Variants in FBXO15 observed in about 807,000 individuals in gnomAD.
FBXO15 encodes F-box protein 15.
Under a neutral mutation model 49.5 loss-of-function variants are expected in FBXO15, and 30 were observed. The ratio of observed to expected loss-of-function variants is 0.61; its 90% CI spans 0.45 to 0.82. FBXO15 has a LOEUF of 0.82. FBXO15 is among the 40% of genes least tolerant of loss of function. FBXO15 has a pLI of 0.00. For synonymous variants in FBXO15, 250 were observed against 232.7 expected (o/e 1.07, Z -0.68); for missense variants, 591 against 631.5 (o/e 0.94, Z 0.69).
At chr18:74,101,771 T>C (rs996572334) in intron 8 of FBXO15, among the ~76,000 whole-genome samples, 7 of 152,142 alleles carry the variant, frequency 4.6e-5, no homozygotes, top group African/African-American at 1.4e-4. Flanking sequence ...AATAGGCACA[T>C]AGACCAGTGG....
At chr18:74,141,090 A>G (rs1979045247) in intron 1 of FBXO15, among the ~76,000 whole-genome samples, 1 of 152,246 alleles carries the variant, frequency 6.6e-6, no homozygotes, top group South Asian at 2.1e-4. Flanking sequence ...TACAGAAAAC[A>G]GTAGTGCATC....
Position 74,147,697 on chromosome 18 carries a change from C to G in FBXO15, c.89G>C (p.Arg30Pro). ...RGPSRGGGAA[R>P]GRARAFGCRK... Reference sequence around the variant, plus strand: ...GCACCCAAAGGCCCTGGCGCGCCCCCGGGCCGCGCCACCGCCCCTGCTGGG... The same window carrying G: ...GCACCCAAAGGCCCTGGCGCGCCCCGGGGCCGCGCCACCGCCCCTGCTGGG... The change falls in exon 1 of 10, where the codon CGG becomes CCG. Residue 30 changes from arginine to proline, a missense_variant. By Grantham distance (103) the Arg-to-Pro change is moderately radical. Coordinates refer to ENST00000419743, the MANE Select transcript of FBXO15 (RefSeq NM_001142958.2). 2 of 1,513,150 alleles carry G rather than the reference C, an allele frequency of 1.3e-6. No individual in the cohort carries two copies. The highest frequency in any genetic ancestry group is 8.8e-7 in the Non-Finnish European group (1 of 1,133,568). The allele number at this position is 1,513,150 out of a possible 1,614,324, so 93.7% of individuals were successfully genotyped here.
At chr18:74,121,466 A>C (rs1287546094) in intron 8 of FBXO15, among the ~76,000 whole-genome samples, 2 of 152,260 alleles carry the variant, frequency 1.3e-5, no homozygotes, top group Admixed American at 1.3e-4. Flanking sequence ...ATTTTTAAAC[A>C]AACTGAAAGA....
chr18:74,135,726 C>T lies in FBXO15; in HGVS notation c.332+36G>A, dbSNP rs115910828. The T allele has an allele frequency of 6.0e-4, 908 of 1,508,806 alleles. 9 individuals carry two copies. The African/African-American group carries it at 0.011, about 18-fold the overall frequency. The allele number at this position is 1,508,806 out of a possible 1,614,324, so 93.5% of individuals were successfully genotyped here. A position where few individuals can be genotyped will look rare whatever the true frequency, so the allele number is the denominator to read the frequency against. On this transcript the variant is annotated intron_variant, in intron 3 of 9. Coordinates refer to ENST00000419743, the MANE Select transcript of FBXO15 (RefSeq NM_001142958.2). ...GTTTTCCTGACTTCCATCAAACTGT[C>T]ATCAAAACATAACAGAGACTTGGAT...
intron 2 of FBXO15, among the ~76,000 whole-genome samples, chr18:74,139,040 A>T (rs1438743723): frequency 1.3e-5 from 2 of 152,098 alleles, no homozygotes; most frequent in Non-Finnish European, 2.9e-5. Context: ...TTCCTGCAGC[A>T]TCTGGAGCCC....
At position 74,108,572 on chromosome 18, in the gene FBXO15, A is replaced by G. The variant is rs139878457; in HGVS notation, c.1138+14796T>C. ...TCCAATAACTACAAGAAAACCACAA[A>G]AGGTGTAATTTACATGCAATGGAAA... On this transcript the variant is annotated intron_variant, in intron 8 of 9. Coordinates refer to ENST00000419743, the MANE Select transcript of FBXO15 (RefSeq NM_001142958.2). 2.2e-3 allele frequency among the ~76,000 whole-genome samples: 333 copies of G among 152,240 alleles called. 5 individuals carry two copies. The highest frequency in any genetic ancestry group is 7.7e-3 in the African/African-American group (320 of 41,558).
intron 8 of FBXO15, among the ~76,000 whole-genome samples, chr18:74,082,804 C>G (rs1450130978): frequency 6.6e-6 from 1 of 152,198 alleles, no homozygotes; most frequent in South Asian, 2.1e-4. Context: ...GACAGCAACA[C>G]AACTCATACC....
chr18:74,140,149 A>C, intron 2 of FBXO15, 53 bp downstream of exon 2: 2 of 1,447,482 alleles, frequency 1.4e-6, no homozygotes, highest in Non-Finnish European at 9.4e-7. Context: ...ACTTTCTCTA[A>C]TAACCCCATG....
rs1352166262 is a variant in FBXO15, at chr18:74,123,436, T to C, written c.1070A>G (p.His357Arg). The change falls in exon 8 of 10, where the codon CAT becomes CGT. Residue 357 changes from histidine to arginine, a missense_variant. By Grantham distance (29) the His-to-Arg change is conservative (BLOSUM62 0). Coordinates refer to ENST00000419743, the MANE Select transcript of FBXO15 (RefSeq NM_001142958.2). ...PEYGLHGYQL[H>R]VDLHSGGVFY... Reference sequence around the variant, plus strand: ...AACCCCACCGCTGTGCAGATCAACATGGAGTTGGTAGCCGTGCAGTCCATA... The same window carrying C: ...AACCCCACCGCTGTGCAGATCAACACGGAGTTGGTAGCCGTGCAGTCCATA... 6 of 1,614,068 alleles carry C rather than the reference T, an allele frequency of 3.7e-6. No homozygotes were observed. The highest frequency in any genetic ancestry group is 5.1e-6 in the Non-Finnish European group (6 of 1,179,988).
intron 8 of FBXO15, among the ~76,000 whole-genome samples, chr18:74,111,127 T>C (rs1326540582): frequency 6.6e-6 from 1 of 151,924 alleles, no homozygotes; most frequent in Non-Finnish European, 1.5e-5. Context: ...CAAGCTCACA[T>C]GGAACATTTA....
At chr18:74,119,610 C>T (rs1599168293) in intron 8 of FBXO15, among the ~76,000 whole-genome samples, 2 of 152,010 alleles carry the variant, frequency 1.3e-5, no homozygotes, top group Admixed American at 6.5e-5. Flanking sequence ...GAGACATGAC[C>T]CCCAGGACCC....
chr18:74,133,889 G>A (rs977314117), intron 3 of FBXO15, among the ~76,000 whole-genome samples: 4 of 152,158 alleles, frequency 2.6e-5, no homozygotes. Context: ...CCATTCAGGA[G>A]GGATCTGTTC....
intron 9 of FBXO15, among the ~76,000 whole-genome samples, chr18:74,076,041 C>T (rs1912243154): frequency 6.6e-6 from 1 of 152,206 alleles, no homozygotes; most frequent in African/African-American, 2.4e-5. Flanking sequence ...TCAGGACCCT[C>T]CCAGCAAAGC....
rs539597167 is a variant in FBXO15 at position 74,075,158 on chromosome 18, G to A, written c.1264-1428C>T. Among the ~76,000 whole-genome samples the A allele has an allele frequency of 2.0e-5, 3 of 152,238 alleles. No individual in the cohort carries two copies. The highest frequency in any genetic ancestry group is 1.9e-4 in the East Asian group (1 of 5,174). ...TGGCTCTCTGGGTGGCTCCCTCTCC[G>A]CCTCATGGAACAACACCTCATCCCC... is the stretch of plus-strand genomic sequence containing the variant. On this transcript the variant is annotated intron_variant, in intron 9 of 9. Coordinates refer to ENST00000419743, the MANE Select transcript of FBXO15 (RefSeq NM_001142958.2). The surrounding 1 kb of genome is among the most constrained non-coding windows in gnomAD (Gnocchi z 4.1).
At position 74,082,013 on chromosome 18, in the gene FBXO15, G is replaced by A; in HGVS notation, c.1177C>T (p.His393Tyr). ...ENGHVKLIVI[H>Y]LKNNREHLPL... ...AGGTGTTCTCTGTTATTTTTTAAAT[G>A]TATAACAATGAGCTTCACATGTCCA... The change falls in exon 9 of 10, where the codon CAT becomes TAT. Residue 393 changes from histidine (H) to tyrosine (Y), a missense_variant. Physicochemically the swap from His to Tyr is moderately conservative, Grantham distance 83. Transcript: ENST00000419743. 1 of 1,611,874 alleles carries A rather than the reference G, an allele frequency of 6.2e-7. No individual in the cohort carries two copies. Among genetic ancestry groups the A allele is most frequent in the Non-Finnish European group, 8.5e-7 (1 of 1,178,678 alleles).
chr18:74,135,109 G>A (rs1284254458), intron 3 of FBXO15, among the ~76,000 whole-genome samples: 2 of 152,140 alleles, frequency 1.3e-5, no homozygotes, highest in Non-Finnish European at 2.9e-5. Flanking sequence ...TGCAGGCTAA[G>A]ATTATAGTGA....
intron 8 of FBXO15, among the ~76,000 whole-genome samples, chr18:74,116,612 C>T (rs1462171592): frequency 1.8e-4 from 27 of 152,178 alleles, no homozygotes; most frequent in Admixed American, 1.8e-3. Context: ...TGTCTGGACA[C>T]TGCAACTGGT....
intron 8 of FBXO15, among the ~76,000 whole-genome samples, chr18:74,103,581 T>C (rs568987898): frequency 6.6e-6 from 1 of 151,918 alleles, no homozygotes; most frequent in Non-Finnish European, 1.5e-5. Context: ...AATAATCAAA[T>C]ACTCAAAGGT....
At chr18:74,110,162 T>TGC (rs1450371563) in intron 8 of FBXO15, among the ~76,000 whole-genome samples, 6 of 115,778 alleles carry the variant, frequency 5.2e-5, no homozygotes, top group African/African-American at 2.0e-4. Flanking sequence ...TACATATGTG[T>TGC]GCATATATAT....
Sources: allele counts gnomAD v4.1 joint callset (sites outside exome capture counted in the v4.1 genomes callset), GRCh38; gene constraint gnomAD v4.1.1; non-coding constraint Gnocchi (gnomAD v3.1); transcripts MANE v1.5; gene names NCBI Gene and HGNC (gene_info 2026-07-23, HGNC 2026-07-21).